Variants in RADIL observed in about 807,000 individuals in gnomAD.
RADIL encodes the protein Rap associating with DIL domain.
A neutral mutation model predicts 97.6 loss-of-function variants in RADIL; 99 were observed. The observed-to-expected ratio is 1.01, with a 90% confidence interval of 0.86 to 1.20. RADIL has a LOEUF of 1.20. Among genes scored for constraint, RADIL ranks in the 50% most tolerant of loss-of-function variants. The probability of loss-of-function intolerance (pLI) is 0.00; values close to 1 mark genes in which losing one functional copy is unlikely to be tolerated. For synonymous variants in RADIL, 803 were observed against 691.8 expected (o/e 1.16, Z -2.52); for missense variants, 1,765 against 1,498.9 (o/e 1.18, Z -2.93).
At chr7:4,832,006 T>G (rs746064374) in intron 5 of RADIL, 135 bp downstream of exon 5, 33 of 911,104 alleles carry the variant, frequency 3.6e-5, no homozygotes, top group Middle Eastern at 6.7e-4. Flanking sequence ...AAAAGGCCGC[T>G]GCTTGGATGG....
At chr7:4,866,552 C>G (rs760936867) in intron 2 of RADIL, among the ~76,000 whole-genome samples, 18 of 152,174 alleles carry the variant, frequency 1.2e-4, no homozygotes, top group Admixed American at 2.0e-4. Flanking sequence ...CAAATCTATA[C>G]GTTGTGACCT....
intron 2 of RADIL, among the ~76,000 whole-genome samples, chr7:4,846,622 T>G (rs1254533149): frequency 3.3e-5 from 5 of 149,822 alleles, no homozygotes; most frequent in Non-Finnish European, 7.4e-5. Context: ...CTCAGCTCAC[T>G]GCAACGTCCG....
chr7:4,847,354 C>G (rs1442510808), intron 2 of RADIL, among the ~76,000 whole-genome samples: 3 of 152,074 alleles, frequency 2.0e-5, no homozygotes, highest in Non-Finnish European at 4.4e-5. Flanking sequence ...TAAACAATAT[C>G]AAGAGTGCAG....
chr7:4,816,951 C>T (rs991600195), intron 7 of RADIL, among the ~76,000 whole-genome samples: 2 of 152,180 alleles, frequency 1.3e-5, no homozygotes, highest in Non-Finnish European at 2.9e-5. Flanking sequence ...GCCTCCCCCA[C>T]CTCATCCCTG....
Position 4,835,224 on chromosome 7 carries a change from C to G in RADIL, c.799G>C (p.Val267Leu), listed in dbSNP as rs532274773. 6.2e-7 allele frequency: 1 copy of G among 1,610,366 alleles called. No individual in the cohort carries two copies. The highest frequency in any genetic ancestry group is 1.3e-5 in the African/African-American group (1 of 75,032). ...YSQQHDSLVY[V>L]LNRDRHTVGQ... is the part of the protein sequence containing the mutation. ...ACCGTGTGCCGGTCCCGGTTGAGCACATACACCAGGCTGTCCTGAAACAGA... is the reference window on the plus strand; with the variant it reads ...ACCGTGTGCCGGTCCCGGTTGAGCAGATACACCAGGCTGTCCTGAAACAGA... Residue 267 changes from valine to leucine, a missense_variant, in exon 4 of 15, where the codon GTG becomes CTG. Transcript: ENST00000399583. This position sits in a 1 kb window ranked among gnomAD's most constrained non-coding sequence, Gnocchi z 5.8.
Position 4,834,210 on chromosome 7 carries a change from G to T in RADIL, c.1416+397C>A, listed in dbSNP as rs1783227948. Among the ~76,000 whole-genome samples the T allele has an allele frequency of 6.6e-6, 1 of 152,166 alleles. No individual in the cohort carries two copies. The highest frequency in any genetic ancestry group is 6.5e-5 in the Admixed American group (1 of 15,280). On this transcript the variant is annotated intron_variant, in intron 4 of 14. Transcript: ENST00000399583. This position sits in a 1 kb window ranked among gnomAD's most constrained non-coding sequence, Gnocchi z 6.0. ...CGCCGGCACACACAGGGGCTTCTGGGGCTCTTGGGCAGGGGCCTGTGAGAG... is the reference window on the plus strand; with the variant it reads ...CGCCGGCACACACAGGGGCTTCTGGTGCTCTTGGGCAGGGGCCTGTGAGAG...
At chr7:4,857,918 C>T (rs1326878217) in intron 2 of RADIL, 2 of 152,500 alleles carry the variant, frequency 1.3e-5, no homozygotes, top group Non-Finnish European at 2.9e-5. Flanking sequence ...TAAAAAGTCC[C>T]AAGGTTCCAG....
At chr7:4,855,620 T>TAAA (rs760588803) in intron 2 of RADIL, among the ~76,000 whole-genome samples, 2 of 88,166 alleles carry the variant, frequency 2.3e-5, no homozygotes, top group Non-Finnish European at 4.8e-5. Flanking sequence ...TTTATTTTTG[T>TAAA]AAAAAAAAAA....
At chr7:4,881,379 C>A (rs1784481881) in intron 1 of RADIL, among the ~76,000 whole-genome samples, 1 of 142,860 alleles carries the variant, frequency 7.0e-6, no homozygotes, top group Admixed American at 7.2e-5. Context: ...CATGCCACTG[C>A]ACTCCAGCCT....
At chr7:4,855,807 G>A (rs1017331317) in intron 2 of RADIL, among the ~76,000 whole-genome samples, 3 of 151,610 alleles carry the variant, frequency 2.0e-5, no homozygotes, top group Non-Finnish European at 2.9e-5. Context: ...TATTGTTTTC[G>A]ATTTTTGAGA....
At chr7:4,874,711 CA>C (rs1411513156) in intron 2 of RADIL, among the ~76,000 whole-genome samples, 2 of 152,336 alleles carry the variant, frequency 1.3e-5, no homozygotes, top group African/African-American at 2.4e-5. Context: ...AGGCTGTGAG[CA>C]GGGGTGCTTT....
Position 4,836,567 on chromosome 7 carries a change from C to T in RADIL, c.574G>A (p.Ala192Thr), listed in dbSNP as rs552125019. Reference sequence around the variant, plus strand: ...AGGGCCGGGGTCGGGGTTCCCTTCGCGCGACTCCGCTGCAGCCTCCGGGCC... The same window carrying T: ...AGGGCCGGGGTCGGGGTTCCCTTCGTGCGACTCCGCTGCAGCCTCCGGGCC... Reference protein sequence around the residue: ...AQARRLQRSRAKGTPTPALGD... With the variant: ...AQARRLQRSRTKGTPTPALGD... The change falls in exon 3 of 15, where the codon GCG becomes ACG. Residue 192 changes from alanine to threonine, a missense_variant. Physicochemically the swap from Ala to Thr is moderately conservative, Grantham distance 58. Coordinates refer to ENST00000399583, the MANE Select transcript of RADIL (RefSeq NM_018059.5). The T allele has an allele frequency of 7.4e-5, 119 of 1,607,476 alleles. No homozygotes were observed. The South Asian group carries it at 1.2e-3, about 16-fold the overall frequency.
rs370977757 is a variant in RADIL at position 4,817,393 on chromosome 7, C to A, written c.1616-42G>T. On this transcript the variant is annotated intron_variant, in intron 6 of 14. Coordinates refer to ENST00000399583, the MANE Select transcript of RADIL (RefSeq NM_018059.5). This position sits in a 1 kb window ranked among gnomAD's most constrained non-coding sequence, Gnocchi z 8.3. ...ACGCCAATGGTCACAACGGGCACAG[C>A]GCTCAGGAACGCAGCAACTCAGCCA... 1.9e-5 allele frequency: 30 copies of A among 1,542,634 alleles called. 1 individual carries two copies. The East Asian group carries it at 6.7e-4, about 35-fold the overall frequency.
At position 4,814,491 on chromosome 7, in the gene RADIL, C is replaced by G. The variant is rs1044644817; in HGVS notation, c.2139+787G>C. Among the ~76,000 whole-genome samples the G allele has an allele frequency of 2.6e-5, 4 of 151,800 alleles. No individual in the cohort carries two copies. The highest frequency in any genetic ancestry group is 9.7e-5 in the African/African-American group (4 of 41,288). ...AGCGTTTTCCAGGCAGGAGAGGAAACCATCGGTCTATTTCCATTAATTACC... is the reference window on the plus strand; with the variant it reads ...AGCGTTTTCCAGGCAGGAGAGGAAAGCATCGGTCTATTTCCATTAATTACC... On this transcript the variant is annotated intron_variant, in intron 9 of 14. Transcript: ENST00000399583. This position sits in a 1 kb window ranked among gnomAD's most constrained non-coding sequence, Gnocchi z 4.5.
rs373449759 is a variant in RADIL, at chr7:4,816,345, G to T, written c.1849C>A (p.Gln617Lys). 6.2e-7 allele frequency: 1 copy of T among 1,612,294 alleles called. No individual in the cohort carries two copies. Among genetic ancestry groups the T allele is most frequent in the Non-Finnish European group, 8.5e-7 (1 of 1,179,686 alleles). The change falls in exon 8 of 15, where the codon CAG (glutamine) becomes AAG (lysine). Residue 617 changes from glutamine to lysine, a missense_variant. Coordinates refer to ENST00000399583, the MANE Select transcript of RADIL (RefSeq NM_018059.5). The part of the protein sequence containing the change: ...EELRRVVSVY[Q>K]AALDLLRQLQ... ...TGCCGCAGGAGGTCCAGGGCTGCCT[G>T]GTACACAGACACCACGCGGCGCAGC...
chr7:4,845,866 G>A (rs77179465), intron 2 of RADIL, among the ~76,000 whole-genome samples: 4 of 152,162 alleles, frequency 2.6e-5, no homozygotes, highest in Admixed American at 1.3e-4. Flanking sequence ...AGAGCTCTCC[G>A]GGGCTGTGCC....
At chr7:4,808,595 G>T in intron 9 of RADIL, 1 of 985,338 alleles carries the variant, frequency 1.0e-6, no homozygotes, top group Non-Finnish European at 1.2e-6. Context: ...AGTCCTCACA[G>T]CTTGGCCCTT....
At chr7:4,864,867 T>C (rs572707056) in intron 2 of RADIL, among the ~76,000 whole-genome samples, 2 of 152,358 alleles carry the variant, frequency 1.3e-5, no homozygotes, top group African/African-American at 4.8e-5. Context: ...ATTCTCTACC[T>C]AGGAGCCAGA....
rs749275016 is a variant in RADIL at position 4,877,863 on chromosome 7, C to T, written c.277G>A (p.Val93Met). The T allele has an allele frequency of 6.2e-7, 1 of 1,605,990 alleles. No individual in the cohort carries two copies. Among genetic ancestry groups the T allele is most frequent in the South Asian group, 1.1e-5 (1 of 91,082 alleles). ...GCGTACCGCTCCAGCGCCTCCTTCA[C>T]CAGCTCACGGGCGCTGGAGGTGCCG... ...ATGTSSAREL[V>M]KEALERYALD... is the part of the protein sequence containing the mutation. Residue 93 changes from valine (V) to methionine (M), a missense_variant, in exon 2 of 15, where the codon GTG (valine) becomes ATG (methionine). Physicochemically the swap from Val to Met is conservative, Grantham distance 21. Coordinates refer to ENST00000399583, the MANE Select transcript of RADIL (RefSeq NM_018059.5).
Sources: allele counts gnomAD v4.1 joint callset (sites outside exome capture counted in the v4.1 genomes callset), GRCh38; gene constraint gnomAD v4.1.1; non-coding constraint Gnocchi (gnomAD v3.1); transcripts MANE v1.5; gene names NCBI Gene and HGNC (gene_info 2026-07-23, HGNC 2026-07-21).